Variants in SERPINI1 observed in about 807,000 individuals in gnomAD.
The protein encoded by SERPINI1 is serpin family I member 1.
A neutral mutation model predicts 41.1 loss-of-function variants in SERPINI1; 19 were observed. The observed-to-expected ratio is 0.46, with a 90% CI of 0.32 to 0.68. The LOEUF is 0.68. Among genes scored for constraint, SERPINI1 ranks in the 30% least tolerant of loss-of-function variants. The pLI, the probability that SERPINI1 is intolerant of heterozygous loss-of-function variation, is 0.03. For missense variants in SERPINI1, 460 were observed against 479.2 expected (o/e 0.96, Z 0.37); for synonymous variants, 138 against 156.6 (o/e 0.88, Z 0.89).
chr3:167,806,079 C>T (rs1042613033), intron 5 of SERPINI1, among the ~76,000 whole-genome samples: 1 of 152,062 alleles, frequency 6.6e-6, no homozygotes, highest in African/African-American at 2.4e-5. Flanking sequence ...ACCCAAATGT[C>T]CATCAATGAT....
At chr3:167,760,348 A>AATATATATAT (rs35053492) in intron 1 of SERPINI1, among the ~76,000 whole-genome samples, 56 of 147,514 alleles carry the variant, frequency 3.8e-4, no homozygotes, top group African/African-American at 1.2e-3. Context: ...ACTAATTTCA[A>AATATATATAT]ATATATATAT....
chr3:167,737,975 T>C (rs1200838783), intron 1 of SERPINI1, among the ~76,000 whole-genome samples: 2 of 152,084 alleles, frequency 1.3e-5, no homozygotes, highest in African/African-American at 4.8e-5. Context: ...AAGACCATGT[T>C]TTTATATGAG....
At chr3:167,794,166 T>C (rs952487122) in intron 4 of SERPINI1, among the ~76,000 whole-genome samples, 4 of 152,028 alleles carry the variant, frequency 2.6e-5, no homozygotes, top group Non-Finnish European at 4.4e-5. Flanking sequence ...TTGTTTCTAA[T>C]GCTACACTTC....
At chr3:167,814,793 G>A (rs987734418) in intron 6 of SERPINI1, among the ~76,000 whole-genome samples, 1 of 152,134 alleles carries the variant, frequency 6.6e-6, no homozygotes, top group Admixed American at 6.5e-5. Flanking sequence ...TTCTCTGGGG[G>A]AACCTAGGGT....
At chr3:167,774,794 A>C (rs1726908265) in intron 1 of SERPINI1, among the ~76,000 whole-genome samples, 2 of 152,064 alleles carry the variant, frequency 1.3e-5, no homozygotes, top group Admixed American at 6.6e-5. Flanking sequence ...TGTCTATTGA[A>C]AAATTGTCTC....
At chr3:167,794,847 G>A (rs752235233) in intron 5 of SERPINI1, 23 bp downstream of exon 5, 33 of 1,594,450 alleles carry the variant, frequency 2.1e-5, no homozygotes, top group East Asian at 6.7e-5. Context: ...TGTGTCACCC[G>A]TCCCACAGCA....
chr3:167,787,515 C>T (rs1276389067), intron 1 of SERPINI1, among the ~76,000 whole-genome samples: 2 of 152,180 alleles, frequency 1.3e-5, no homozygotes, highest in Non-Finnish European at 2.9e-5. Flanking sequence ...GTGGCAGCCC[C>T]CCAACGGTGG....
chr3:167,810,971 T>A (rs1711856199), intron 6 of SERPINI1, among the ~76,000 whole-genome samples: 1 of 152,090 alleles, frequency 6.6e-6, no homozygotes, highest in African/African-American at 2.4e-5. Flanking sequence ...CAACTCCTCA[T>A]CCATTTAAAT....
intron 5 of SERPINI1, among the ~76,000 whole-genome samples, chr3:167,806,530 A>G (rs1365942301): frequency 6.6e-6 from 1 of 152,156 alleles, no homozygotes; most frequent in Non-Finnish European, 1.5e-5. Flanking sequence ...GGTTTTTAAG[A>G]TATAATGTTT....
chr3:167,742,650 AAGTGG>A (rs1725716373), intron 1 of SERPINI1, among the ~76,000 whole-genome samples: 14 of 152,244 alleles, frequency 9.2e-5, no homozygotes, highest in Admixed American at 2.6e-4. Flanking sequence ...GCTTTAATGG[AAGTGG>A]AGATATCAAA....
intron 4 of SERPINI1, among the ~76,000 whole-genome samples, chr3:167,793,596 A>ATATATATATTTTTTTTTTT: frequency 7.1e-6 from 1 of 140,610 alleles, no homozygotes; most frequent in African/African-American, 2.7e-5. Flanking sequence ...ATATATATAT[A>ATATATATATTTTTTTTTTT]TTTTTAATTA....
At chr3:167,737,220 A>G (rs1391909903) in intron 1 of SERPINI1, among the ~76,000 whole-genome samples, 1 of 152,104 alleles carries the variant, frequency 6.6e-6, no homozygotes, top group Non-Finnish European at 1.5e-5. Context: ...GTGACTTTTC[A>G]GTGTGTATAC....
intron 6 of SERPINI1, among the ~76,000 whole-genome samples, chr3:167,807,599 T>C (rs2108567441): frequency 6.6e-6 from 1 of 152,332 alleles, no homozygotes; most frequent in Admixed American, 6.5e-5. Flanking sequence ...TAAACATCTT[T>C]GGATTCCCCA....
At chr3:167,795,887 A>G (rs1208757167) in intron 5 of SERPINI1, among the ~76,000 whole-genome samples, 1 of 152,170 alleles carries the variant, frequency 6.6e-6, no homozygotes, top group African/African-American at 2.4e-5. Context: ...GTTTATTAGC[A>G]TACTATGTAA....
intron 5 of SERPINI1, among the ~76,000 whole-genome samples, chr3:167,805,142 G>A (rs932340397): frequency 6.6e-6 from 1 of 151,994 alleles, no homozygotes; most frequent in South Asian, 2.1e-4. Context: ...ACTCTTAAGT[G>A]TACTAATTTA....
At chr3:167,742,301 A>G (rs1338557568) in intron 1 of SERPINI1, among the ~76,000 whole-genome samples, 2 of 152,238 alleles carry the variant, frequency 1.3e-5, no homozygotes, top group South Asian at 2.1e-4. Context: ...TAAAGTACAG[A>G]TCAACTAGAA....
intron 3 of SERPINI1, 112 bp downstream of exon 3, chr3:167,790,714 G>A (rs367864286): frequency 2.6e-6 from 2 of 769,098 alleles, no homozygotes; most frequent in Non-Finnish European, 4.5e-6. Context: ...AGAGCATTTA[G>A]TTGGGTATCT....
intron 1 of SERPINI1, among the ~76,000 whole-genome samples, chr3:167,758,631 T>G (rs1726270273): frequency 6.6e-6 from 1 of 152,146 alleles, no homozygotes; most frequent in Non-Finnish European, 1.5e-5. Flanking sequence ...ACATGACACT[T>G]TTTCACAGAT....
At chr3:167,745,470 G>T (rs547371436) in intron 1 of SERPINI1, among the ~76,000 whole-genome samples, 6 of 151,986 alleles carry the variant, frequency 3.9e-5, no homozygotes, top group Non-Finnish European at 7.4e-5. Context: ...GCTAACATTT[G>T]GTAGTGAAAG....
Sources: gnomAD v4.1 joint callset for allele counts (sites outside exome capture counted in the v4.1 genomes callset) on GRCh38, gnomAD v4.1.1 for gene constraint, MANE v1.5 for transcripts, NCBI Gene and HGNC (gene_info 2026-07-23, HGNC 2026-07-21) for gene names.